The following IAH1 variants were observed in gnomAD, a reference collection of about 807,000 sequenced individuals.
The protein encoded by IAH1 is isoamyl acetate hydrolyzing esterase 1 (putative), also known as isoamyl acetate-hydrolyzing esterase 1 homolog.
Under a neutral mutation model 26.7 loss-of-function variants are expected in IAH1, and 24 were observed. The observed-to-expected ratio is 0.90, with a 90% CI of 0.65 to 1.26. The LOEUF is 1.26. Among genes scored for constraint, IAH1 ranks in the 50% most tolerant of loss-of-function variants. The pLI, the probability that IAH1 is intolerant of heterozygous loss-of-function variation, is 0.00. For synonymous variants in IAH1, 140 were observed against 118.5 expected (o/e 1.18, Z -1.18); for missense variants, 300 against 299.9 (o/e 1.00, Z 0.00).
At chr2:9,479,041 C>T (rs968033329) in intron 3 of IAH1, among the ~76,000 whole-genome samples, 8 of 152,114 alleles carry the variant, frequency 5.3e-5, no homozygotes, top group East Asian at 1.9e-4. Context: ...ACGGGCACAC[C>T]GTAGGAGACC....
the IAH1 span, among the ~76,000 whole-genome samples, chr2:9,502,790 A>C: frequency 6.7e-6 from 1 of 150,262 alleles, no homozygotes; most frequent in Non-Finnish European, 1.5e-5. Flanking sequence ...GAGGCAGGAG[A>C]ATCGCCTGGA....
At chr2:9,507,790 G>A in the IAH1 span, among the ~76,000 whole-genome samples, 4 of 152,090 alleles carry the variant, frequency 2.6e-5, no homozygotes, top group African/African-American at 9.6e-5. Context: ...CACAACCTTG[G>A]CTCACTGCCG....
upstream of IAH1, among the ~76,000 whole-genome samples, chr2:9,474,209 C>T (rs754745443): frequency 4.0e-5 from 6 of 151,068 alleles, no homozygotes; most frequent in Admixed American, 1.3e-4. The surrounding 1 kb of genome is among the most constrained non-coding windows in gnomAD (Gnocchi z 4.3). Flanking sequence ...AGCCCTCCGC[C>T]CCACCGAGAG....
Position 9,487,821 on chromosome 2 carries a change from TGTGTGTGTGTGTGCGCGC to T in IAH1, c.565-324_565-307del, listed in dbSNP as rs879743882. Among the ~76,000 whole-genome samples, 753 of 92,280 alleles carry T rather than the reference TGTGTGTGTGTGTGCGCGC, an allele frequency of 8.2e-3. 3 individuals are homozygous for T. Among genetic ancestry groups the T allele is most frequent in the African/African-American group, 0.013 (293 of 23,396 alleles). 60.5% of individuals were successfully genotyped at this position (92,280 alleles called of 152,430 possible). A position where few individuals can be genotyped will look rare whatever the true frequency, so the allele number is the denominator to read the frequency against. ...GTGTGTGTGTGTGTGTGTGTGTGTG[TGTGTGTGTGTGTGCGCGC>T]GCGCGCGCGCGCTGTGGGGGGAGAC... On this transcript the variant is annotated intron_variant, in intron 5 of 5. Transcript: ENST00000497473.
At chr2:9,504,115 C>T in the IAH1 span, among the ~76,000 whole-genome samples, 395 of 152,236 alleles carry the variant, frequency 2.6e-3, 1 homozygote, top group Admixed American at 7.2e-3. Flanking sequence ...CATGCCACTG[C>T]ACTCCATCTT....
the IAH1 span, chr2:9,505,032 A>C: frequency 6.0e-6 from 6 of 1,005,056 alleles, no homozygotes; most frequent in Non-Finnish European, 8.8e-6. Flanking sequence ...TGTGAAGGGC[A>C]AAAGAGGTAG....
At chr2:9,503,094 C>A in the IAH1 span, among the ~76,000 whole-genome samples, 1 of 147,684 alleles carries the variant, frequency 6.8e-6, no homozygotes, top group African/African-American at 2.5e-5. Context: ...GAGCCAAGAT[C>A]GCGCCACTGC....
intron 1 of IAH1, among the ~76,000 whole-genome samples, chr2:9,475,497 T>C (rs986306738): frequency 6.6e-6 from 1 of 151,258 alleles, no homozygotes; most frequent in African/African-American, 2.4e-5. Flanking sequence ...GCTTTTTTTT[T>C]TTTTTCTTTT....
At chr2:9,498,922 T>A (rs138270295), downstream of IAH1, among the ~76,000 whole-genome samples, 32 of 152,232 alleles carry the variant, frequency 2.1e-4, no homozygotes, top group East Asian at 5.4e-3. Context: ...TCTAGCATGG[T>A]CCCCAAAGTT....
chr2:9,475,897 C>T (rs916579194), intron 1 of IAH1, 90 bp from the exon 2 acceptor site: 4 of 1,105,444 alleles, frequency 3.6e-6, no homozygotes, highest in Admixed American at 3.7e-5. Context: ...AAGGGAGCGC[C>T]GAGAAAACAG....
At chr2:9,493,970 CGTA>C, downstream of IAH1, 1 of 619,330 alleles carries the variant, frequency 1.6e-6, no homozygotes, top group South Asian at 2.1e-5. Flanking sequence ...ATAACTTCCG[CGTA>C]ATGAGTACCC....
chr2:9,490,811 G>C (rs1005624007), downstream of IAH1, among the ~76,000 whole-genome samples: 5 of 152,214 alleles, frequency 3.3e-5, no homozygotes, highest in African/African-American at 1.2e-4. Context: ...CTCAAGGTAA[G>C]ATCCCAAGAG....
chr2:9,493,807 C>G (rs1039650322), downstream of IAH1: 2 of 1,613,846 alleles, frequency 1.2e-6, no homozygotes, highest in Non-Finnish European at 1.7e-6. Flanking sequence ...ACATCCTGTA[C>G]TCGTTTCTCA....
chr2:9,505,838 T>TAA, the IAH1 span, among the ~76,000 whole-genome samples: 1 of 152,226 alleles, frequency 6.6e-6, no homozygotes, highest in African/African-American at 2.4e-5. Flanking sequence ...CTTCTTTGGC[T>TAA]ACTTATATGG....
Position 9,481,338 on chromosome 2 carries a change from G to A in IAH1, c.336G>A (p.Lys112=), listed in dbSNP as rs779679888. The part of the protein sequence containing the change: ...IPLEEYAANL[K]SMVQYLKSVD... ...TGGAGGAGTACGCTGCGAACCTAAA[G>A]AGCATGGTGCAGTACCTGAAGTCCG... The change falls in exon 4 of 6, where the codon AAG becomes AAA. Residue 112 remains lysine, a synonymous_variant. Transcript: ENST00000497473. 2 of 1,614,068 alleles carry A rather than the reference G, an allele frequency of 1.2e-6. No individual in the cohort carries two copies. The highest frequency in any genetic ancestry group is 1.7e-6 in the Non-Finnish European group (2 of 1,180,030).
rs70948823 is a variant in IAH1 at position 9,487,788 on chromosome 2, TTGTGTGTGTGTGTGTGTG to T, written c.565-330_565-313del. 1.9e-3 allele frequency among the ~76,000 whole-genome samples: 252 copies of T among 134,030 alleles called. 2 individuals are homozygous for T. Among genetic ancestry groups the T allele is most frequent in the South Asian group, 4.1e-3 (16 of 3,918 alleles). The allele number at this position is 134,030 out of a possible 152,430, so 87.9% of individuals were successfully genotyped here. A position where few individuals can be genotyped will look rare whatever the true frequency, so the allele number is the denominator to read the frequency against. ...GTTATACCCTCCCTCCCCGGCCTTTTTGTGTGTGTGTGTGTGTGTGTGTGTGTGTGTGTGTGTGTGTGT... is the reference window on the plus strand; with the variant it reads ...GTTATACCCTCCCTCCCCGGCCTTTTTGTGTGTGTGTGTGTGTGTGTGTGT... On this transcript the variant is annotated intron_variant, in intron 5 of 5. Coordinates refer to ENST00000497473, the MANE Select transcript of IAH1 (RefSeq NM_001039613.3).
downstream of IAH1, among the ~76,000 whole-genome samples, chr2:9,498,188 C>G (rs1440390456): frequency 6.6e-6 from 1 of 151,242 alleles, no homozygotes; most frequent in Non-Finnish European, 1.5e-5. Flanking sequence ...CGCCACCATA[C>G]CTGGCTAATT....
downstream of IAH1, among the ~76,000 whole-genome samples, chr2:9,493,497 G>C (rs1662324044): frequency 6.6e-6 from 1 of 152,130 alleles, no homozygotes; most frequent in African/African-American, 2.4e-5. Context: ...GGATATTTTT[G>C]GGTAAAGAAG....
At chr2:9,477,391 TTAAA>T (rs1047007140) in intron 2 of IAH1, among the ~76,000 whole-genome samples, 2 of 152,130 alleles carry the variant, frequency 1.3e-5, no homozygotes, top group Non-Finnish European at 2.9e-5. Flanking sequence ...ATGGACAACT[TTAAA>T]TATCTACAGA....
Sources: gnomAD v4.1 joint callset for allele counts (sites outside exome capture counted in the v4.1 genomes callset) on GRCh38, gnomAD v4.1.1 for gene constraint, Gnocchi (gnomAD v3.1) non-coding constraint, MANE v1.5 for transcripts, NCBI Gene and HGNC (gene_info 2026-07-23, HGNC 2026-07-21) for gene names.